Variants in EPHA7 observed in about 807,000 individuals in gnomAD.
EPHA7 encodes the protein ephrin type-A receptor 7.
Under a neutral mutation model 112.6 loss-of-function variants are expected in EPHA7, and 25 were observed. That is an observed-to-expected ratio of 0.22 (90% CI 0.16 to 0.31). EPHA7 has a LOEUF of 0.31. Among genes scored for constraint, EPHA7 ranks in the 10% least tolerant of loss-of-function variants. The pLI, the probability that EPHA7 is intolerant of heterozygous loss-of-function variation, is 1.00. For missense variants in EPHA7, 962 were observed against 1,212.6 expected, an observed-to-expected ratio of 0.79 and a Z score of 3.07; for synonymous variants, 437 against 406.5, an observed-to-expected ratio of 1.07 and a Z score of -0.90.
intron 5 of EPHA7, among the ~76,000 whole-genome samples, chr6:93,273,241 G>C (rs181711099): frequency 1.3e-5 from 2 of 151,904 alleles, no homozygotes; most frequent in African/African-American, 2.4e-5. Context: ...CGTCTAATTT[G>C]CTCAGTGATG....
At chr6:93,376,849 C>T (rs1291319095) in intron 3 of EPHA7, among the ~76,000 whole-genome samples, 1 of 152,130 alleles carries the variant, frequency 6.6e-6, no homozygotes, top group Non-Finnish European at 1.5e-5. Context: ...AAGTTCTCAT[C>T]ACCTACTCTA....
chr6:93,317,586 G>A (rs900085886), intron 5 of EPHA7, among the ~76,000 whole-genome samples: 11 of 152,102 alleles, frequency 7.2e-5, no homozygotes, highest in Non-Finnish European at 1.5e-4. Flanking sequence ...TAAAGATTTA[G>A]TCTTAAGCTG....
At chr6:93,379,336 C>T (rs1777221273) in intron 3 of EPHA7, among the ~76,000 whole-genome samples, 1 of 151,990 alleles carries the variant, frequency 6.6e-6, no homozygotes, top group Non-Finnish European at 1.5e-5. Context: ...AAATGCTTTA[C>T]ATTTTCAGCT....
intron 5 of EPHA7, among the ~76,000 whole-genome samples, chr6:93,310,105 A>C (rs1450046926): frequency 1.3e-5 from 2 of 152,234 alleles, no homozygotes; most frequent in Non-Finnish European, 2.9e-5. Context: ...GTCTTCAATA[A>C]AAATGAATTA....
intron 3 of EPHA7, among the ~76,000 whole-genome samples, chr6:93,374,147 T>C (rs1776937967): frequency 6.6e-6 from 1 of 151,940 alleles, no homozygotes; most frequent in Non-Finnish European, 1.5e-5. Context: ...TATGAAGGAG[T>C]ACACTATGTA....
At chr6:93,412,530 A>G (rs762390811) in intron 2 of EPHA7, among the ~76,000 whole-genome samples, 5 of 152,100 alleles carry the variant, frequency 3.3e-5, no homozygotes, top group Non-Finnish European at 5.9e-5. Flanking sequence ...ACTCAAATGT[A>G]GTAAAGAACC....
rs142354335 is a variant in EPHA7 at position 93,245,149 on chromosome 6, G to T, written c.2882+149C>A. The T allele has an allele frequency of 6.8e-5, 46 of 673,402 alleles. No homozygotes were observed. In the African/African-American group the frequency reaches 7.5e-4, roughly 11 times the overall value. The allele number at this position is 673,402 out of a possible 1,614,324, so 41.7% of individuals were successfully genotyped here. On this transcript the variant is annotated intron_variant, in intron 16 of 16. Transcript: ENST00000369303. ...TAAAGGTCTATTTAGTATAATGCCT[G>T]GTACGCAGTAAGAACTTGTTAAAGA...
chr6:93,249,417 A>G (rs1770108249), intron 14 of EPHA7, among the ~76,000 whole-genome samples: 1 of 152,166 alleles, frequency 6.6e-6, no homozygotes, highest in African/African-American at 2.4e-5. Flanking sequence ...ACTTTTAGAA[A>G]GTTGGGTTAA....
chr6:93,410,442 AT>A lies in EPHA7; in HGVS notation c.832+58del. 6.9e-7 allele frequency: 1 copy of A among 1,449,596 alleles called. No homozygotes were observed. Among genetic ancestry groups the A allele is most frequent in the Middle Eastern group, 1.9e-4 (1 of 5,276 alleles). The allele number at this position is 1,449,596 out of a possible 1,614,324, so 89.8% of individuals were successfully genotyped here. ...ATTCAAATAACTATTAAAGTTTAAA[AT>A]GTCTGATACTGAAATTTAAAAAGGC... On this transcript the variant is annotated intron_variant, in intron 3 of 16. Transcript: ENST00000369303. The surrounding 1 kb of genome is among the most constrained non-coding windows in gnomAD (Gnocchi z 4.0).
intron 3 of EPHA7, among the ~76,000 whole-genome samples, chr6:93,372,555 T>C (rs1562133705): frequency 6.6e-6 from 1 of 152,168 alleles, no homozygotes; most frequent in African/African-American, 2.4e-5. Flanking sequence ...TATATTAGTG[T>C]TGAATGCTAT....
chr6:93,412,577 A>G (rs922950217), intron 2 of EPHA7, among the ~76,000 whole-genome samples: 40 of 152,196 alleles, frequency 2.6e-4, no homozygotes, highest in African/African-American at 9.4e-4. Flanking sequence ...TTCAACTTGC[A>G]TTTGTGACTA....
chr6:93,286,923 T>C (rs1295719642), intron 5 of EPHA7, among the ~76,000 whole-genome samples: 1 of 152,164 alleles, frequency 6.6e-6, no homozygotes, highest in African/African-American at 2.4e-5. Context: ...GCATATATAA[T>C]ATGTTAACTA....
intron 5 of EPHA7, among the ~76,000 whole-genome samples, chr6:93,335,262 A>T (rs184518448): frequency 1.3e-5 from 2 of 152,208 alleles, no homozygotes; most frequent in East Asian, 3.9e-4. Context: ...TATTATAAAA[A>T]TTATTCTACT....
At chr6:93,246,737 G>T (rs1769970206) in intron 15 of EPHA7, 55 bp downstream of exon 15, 4 of 1,466,312 alleles carry the variant, frequency 2.7e-6, no homozygotes, top group South Asian at 1.3e-5. Context: ...GAGATAAATG[G>T]TTTATGTTAC....
chr6:93,386,763 T>C (rs1777628410), intron 3 of EPHA7, among the ~76,000 whole-genome samples: 1 of 152,178 alleles, frequency 6.6e-6, no homozygotes, highest in South Asian at 2.1e-4. Flanking sequence ...ATTCTTGATG[T>C]CTGTGCACCT....
intron 5 of EPHA7, among the ~76,000 whole-genome samples, chr6:93,315,062 C>T (rs1458114806): frequency 1.3e-5 from 2 of 149,648 alleles, no homozygotes; most frequent in African/African-American, 5.0e-5. Flanking sequence ...CGGGGTTTCA[C>T]CGTGTTAGCC....
chr6:93,338,963 GTTAAA>G (rs1184180846), intron 5 of EPHA7, among the ~76,000 whole-genome samples: 4 of 149,130 alleles, frequency 2.7e-5, no homozygotes, highest in African/African-American at 9.8e-5. Flanking sequence ...CAAATTTTAT[GTTAAA>G]TTAAATAAAT....
intron 3 of EPHA7, among the ~76,000 whole-genome samples, chr6:93,367,806 C>G (rs1327494467): frequency 6.6e-6 from 1 of 152,028 alleles, no homozygotes; most frequent in African/African-American, 2.4e-5. Flanking sequence ...TAGTATGCTG[C>G]CTGGCATAGA....
chr6:93,343,504 A>G (rs1420367960), intron 5 of EPHA7, among the ~76,000 whole-genome samples: 4 of 151,896 alleles, frequency 2.6e-5, no homozygotes, highest in African/African-American at 9.6e-5. Context: ...TTATCTGTTT[A>G]TAGTTCTTCA....
Sources: gnomAD v4.1 joint callset for allele counts (sites outside exome capture counted in the v4.1 genomes callset) on GRCh38, gnomAD v4.1.1 for gene constraint, Gnocchi (gnomAD v3.1) non-coding constraint, MANE v1.5 for transcripts, NCBI Gene and HGNC (gene_info 2026-07-23, HGNC 2026-07-21) for gene names.